The following PTPRR variants were observed in gnomAD, a reference collection of about 807,000 sequenced individuals.
PTPRR encodes protein tyrosine phosphatase receptor type R.
A neutral mutation model predicts 77.2 loss-of-function variants in PTPRR; 38 were observed. The ratio of observed to expected loss-of-function variants is 0.49; its 90% CI spans 0.38 to 0.65. The LOEUF is 0.65. Ranked by LOEUF, PTPRR falls within the 30% of genes least tolerant of loss-of-function variation. The pLI is 0.00. For missense variants in PTPRR, 744 were observed against 799.2 expected (o/e 0.93, Z 0.83); for synonymous variants, 299 against 283.1 (o/e 1.06, Z -0.57).
In PTPRR at chr12:70,647,072, C is replaced by T. The variant is rs569613010; in HGVS notation, c.1881-7795G>A. On this transcript the variant is annotated intron_variant, in intron 13 of 13. Coordinates refer to ENST00000283228, the MANE Select transcript of PTPRR (RefSeq NM_002849.4). ...AGCCACAAGTGAGGCCTTTGGATGTCATTCCAGTTTAAGCCCTCTAAGGTA... is the reference window on the plus strand; with the variant it reads ...AGCCACAAGTGAGGCCTTTGGATGTTATTCCAGTTTAAGCCCTCTAAGGTA... 1.2e-4 allele frequency among the ~76,000 whole-genome samples: 18 copies of T among 152,142 alleles called. 1 individual carries two copies. The highest frequency in any genetic ancestry group is 9.8e-4 in the Admixed American group (15 of 15,272).
intron 2 of PTPRR, among the ~76,000 whole-genome samples, chr12:70,780,017 G>A (rs1891170032): frequency 6.6e-6 from 1 of 150,858 alleles, no homozygotes; most frequent in Non-Finnish European, 1.5e-5. Context: ...TTTTAAGACA[G>A]AGTCTCGCTC....
chr12:70,762,666 A>T (rs1039402606), intron 3 of PTPRR, among the ~76,000 whole-genome samples: 2 of 152,234 alleles, frequency 1.3e-5, no homozygotes, highest in African/African-American at 4.8e-5. Context: ...TAAATCTTTT[A>T]TCTCATTTAT....
At chr12:70,645,197 T>TTG (rs1373845028) in intron 13 of PTPRR, among the ~76,000 whole-genome samples, 1 of 152,210 alleles carries the variant, frequency 6.6e-6, no homozygotes, top group Non-Finnish European at 1.5e-5. Context: ...TTATTGGTTT[T>TTG]CTGTGTTGGT....
intron 6 of PTPRR, among the ~76,000 whole-genome samples, chr12:70,713,314 G>T (rs927324455): frequency 2.6e-5 from 4 of 152,106 alleles, no homozygotes; most frequent in African/African-American, 7.2e-5. Context: ...AGACATTTGG[G>T]TTGTTTCTAC....
chr12:70,798,745 C>G, intron 2 of PTPRR, among the ~76,000 whole-genome samples: 1 of 118,788 alleles, frequency 8.4e-6, no homozygotes, highest in Admixed American at 9.6e-5. Flanking sequence ...AAAGAAGCAC[C>G]CCACCCCCAC....
At chr12:70,887,366 T>C (rs11178477) in intron 2 of PTPRR, among the ~76,000 whole-genome samples, 18,968 of 151,940 alleles carry the variant, frequency 0.12, 2,232 homozygotes, top group African/African-American at 0.32. Flanking sequence ...GCAGGAGAAT[T>C]GCTTGAACCC....
intron 1 of PTPRR, among the ~76,000 whole-genome samples, chr12:70,902,875 A>G (rs550333095): frequency 2.6e-5 from 4 of 151,944 alleles, no homozygotes; most frequent in South Asian, 2.1e-4. Context: ...TGTACCCCCA[A>G]TAACTTATGG....
rs771756280 is a variant in PTPRR, at chr12:70,754,192, A to G, written c.737T>C (p.Met246Thr). 12 of 1,612,618 alleles carry G rather than the reference A, an allele frequency of 7.4e-6. No individual in the cohort carries two copies. The highest frequency in any genetic ancestry group is 9.3e-6 in the Non-Finnish European group (11 of 1,179,472). The stretch of plus-strand genomic sequence containing the variant: ...AAATATACAAAGAAGCAAACTTACC[A>G]TCAAACACGTTACTATAATAACAAA... The part of the protein sequence containing the change: ...SIFVIIVTCL[M>T]ILYRLKERFQ... Residue 246 changes from methionine (M) to threonine (T), a missense_variant and splice_region_variant, in exon 5 of 14, where the codon ATG (methionine) becomes ACG (threonine). Physicochemically the swap from Met to Thr is moderately conservative, Grantham distance 81 (BLOSUM62 -1). Coordinates refer to ENST00000283228, the MANE Select transcript of PTPRR (RefSeq NM_002849.4).
chr12:70,820,668 G>T (rs1891991680), intron 2 of PTPRR, among the ~76,000 whole-genome samples: 1 of 152,142 alleles, frequency 6.6e-6, no homozygotes, highest in Non-Finnish European at 1.5e-5. Flanking sequence ...CTTGGGCTCT[G>T]CCTTTGGCCA....
chr12:70,897,647 A>C (rs909104436), intron 1 of PTPRR, among the ~76,000 whole-genome samples: 1 of 152,090 alleles, frequency 6.6e-6, no homozygotes, highest in African/African-American at 2.4e-5. Context: ...CAGCCGTCCC[A>C]TTACTGGGTA....
At chr12:70,834,946 G>A (rs1892276156) in intron 2 of PTPRR, among the ~76,000 whole-genome samples, 2 of 152,066 alleles carry the variant, frequency 1.3e-5, no homozygotes, top group Non-Finnish European at 1.5e-5. Context: ...AATGAAAAGA[G>A]CATTGACTTA....
chr12:70,672,753 C>T, intron 10 of PTPRR: 3 of 1,554,070 alleles, frequency 1.9e-6, no homozygotes, highest in Non-Finnish European at 2.6e-6. Flanking sequence ...TGACTGGGAC[C>T]TCCCCAGGTG....
chr12:70,698,305 C>T lies in PTPRR; in HGVS notation c.1239G>A (p.Pro413=), dbSNP rs139398611. 759 of 1,612,758 alleles carry T rather than the reference C, an allele frequency of 4.7e-4. 2 individuals are homozygous for T. Among genetic ancestry groups the T allele is most frequent in the African/African-American group, 3.5e-3 (266 of 74,934 alleles). Residue 413 remains proline, a synonymous_variant, in exon 8 of 14, where the codon CCG becomes CCA. Coordinates refer to ENST00000283228, the MANE Select transcript of PTPRR (RefSeq NM_002849.4). ...TATAGCGATTTTTAGTTCCATGACG[C>T]GGAATATCAATTTCTTTGGGATCCA... ...NFVDPKEIDI[P]RHGTKNRYKT... is the part of the protein sequence containing the mutation.
chr12:70,721,967 T>C (rs978150195), intron 6 of PTPRR, among the ~76,000 whole-genome samples: 5 of 152,202 alleles, frequency 3.3e-5, no homozygotes, highest in African/African-American at 1.2e-4. Flanking sequence ...ATCCAAATTT[T>C]GGCATGGGAA....
At chr12:70,769,570 A>T (rs1890917771) in intron 2 of PTPRR, among the ~76,000 whole-genome samples, 1 of 152,230 alleles carries the variant, frequency 6.6e-6, no homozygotes, top group South Asian at 2.1e-4. Context: ...AATATCATGA[A>T]AATGGCCAAC....
intron 2 of PTPRR, among the ~76,000 whole-genome samples, chr12:70,852,562 C>G (rs1269362325): frequency 6.6e-6 from 1 of 152,150 alleles, no homozygotes; most frequent in Non-Finnish European, 1.5e-5. Context: ...GAGGCTGATT[C>G]TCTACTGATG....
chr12:70,691,944 A>G (rs576796600), intron 8 of PTPRR, among the ~76,000 whole-genome samples: 1 of 152,332 alleles, frequency 6.6e-6, no homozygotes, highest in East Asian at 1.9e-4. Flanking sequence ...TGTCATCCAT[A>G]CTTCCCAATT....
At chr12:70,861,898 T>A (rs7297374) in intron 2 of PTPRR, among the ~76,000 whole-genome samples, 1 of 151,960 alleles carries the variant, frequency 6.6e-6, no homozygotes, top group Non-Finnish European at 1.5e-5. Context: ...AAAACCAGAC[T>A]GTAAACTTGA....
At chr12:70,679,448 T>C (rs1237339792) in intron 10 of PTPRR, among the ~76,000 whole-genome samples, 1 of 152,238 alleles carries the variant, frequency 6.6e-6, no homozygotes, top group East Asian at 1.9e-4. Context: ...GTTTATTTTC[T>C]GTCTGGATGA....
Sources: allele counts gnomAD v4.1 joint callset (sites outside exome capture counted in the v4.1 genomes callset), GRCh38; gene constraint gnomAD v4.1.1; transcripts MANE v1.5; gene names NCBI Gene and HGNC (gene_info 2026-07-23, HGNC 2026-07-21).